ANKFN1: variants seen among roughly 807,000 people sequenced by gnomAD.
ANKFN1 encodes ankyrin repeat and fibronectin type III domain containing 1.
Under a neutral mutation model 108.7 loss-of-function variants are expected in ANKFN1, and 74 were observed. The observed-to-expected ratio is 0.68, with a 90% CI of 0.56 to 0.83. The LOEUF (loss-of-function observed/expected upper bound fraction) is 0.83, where lower values mean the gene tolerates loss of function less well. ANKFN1 is among the 40% of genes least tolerant of loss of function. ANKFN1 has a pLI of 0.00. For synonymous variants in ANKFN1, 547 were observed against 516.2 expected (o/e 1.06, Z -0.81); for missense variants, 1,505 against 1,382.3 (o/e 1.09, Z -1.41).
chr17:56,089,557 T>C (rs1905375706), intron 4 of ANKFN1, among the ~76,000 whole-genome samples: 2 of 151,478 alleles, frequency 1.3e-5, no homozygotes, highest in South Asian at 4.2e-4. Flanking sequence ...TACTGAATAG[T>C]ATCAGTTATT....
At chr17:56,352,355 A>C (rs1262333185) in intron 5 of ANKFN1, among the ~76,000 whole-genome samples, 1 of 152,228 alleles carries the variant, frequency 6.6e-6, no homozygotes, top group African/African-American at 2.4e-5. Context: ...ATTTTTAATG[A>C]GACTAAAAAT....
chr17:56,223,948 A>G (rs9904667), intron 2 of ANKFN1, among the ~76,000 whole-genome samples: 44,909 of 152,144 alleles, frequency 0.3, 7,443 homozygotes, highest in African/African-American at 0.43. Context: ...TCTTATTTCT[A>G]TTTTACAGTT....
At chr17:56,070,206 ATGGAGTTGCTC>A (rs1283382138) in intron 4 of ANKFN1, among the ~76,000 whole-genome samples, 1 of 152,102 alleles carries the variant, frequency 6.6e-6, no homozygotes, top group African/African-American at 2.4e-5. Context: ...CCTACTCAAC[ATGGAGTTGCTC>A]TGGTTCAAAC....
intron 14 of ANKFN1, among the ~76,000 whole-genome samples, chr17:56,461,380 C>T (rs1455417060): frequency 1.3e-5 from 2 of 152,208 alleles, no homozygotes; most frequent in African/African-American, 4.8e-5. Context: ...TGGTTCCATA[C>T]TCCTTTTGGA....
intron 3 of ANKFN1, among the ~76,000 whole-genome samples, chr17:56,242,391 A>G (rs1917651182): frequency 6.6e-6 from 1 of 152,122 alleles, no homozygotes; most frequent in Non-Finnish European, 1.5e-5. Flanking sequence ...AATGTTTTAT[A>G]GTATTCTCTA....
At chr17:56,257,991 C>G (rs149832807) in intron 3 of ANKFN1, 1 of 152,176 alleles carries the variant, frequency 6.6e-6, no homozygotes, top group African/African-American at 2.4e-5. Flanking sequence ...AGAAAGATCT[C>G]GACACTAACA....
chr17:56,380,462 C>T (rs11650224), intron 8 of ANKFN1, among the ~76,000 whole-genome samples: 81,329 of 152,034 alleles, frequency 0.53, 26,318 homozygotes, highest in East Asian at 0.87. Flanking sequence ...GCACCGTGCA[C>T]GAGCCAAAGC....
At position 56,441,568 on chromosome 17, in the gene ANKFN1, C is replaced by G. The variant is rs538554706; in HGVS notation, c.1008+1144C>G. On this transcript the variant is annotated intron_variant, in intron 9 of 20. Coordinates refer to ENST00000682825, the MANE Select transcript of ANKFN1 (RefSeq NM_001370326.1). ...TAGAAGACTGATTCCAACCCTATGG[C>G]TCACAAGATGGAAGAGGGCCAGAAG... Among the ~76,000 whole-genome samples, 3 of 152,280 alleles carry G rather than the reference C, an allele frequency of 2.0e-5. No homozygotes were observed. In the East Asian group the frequency reaches 5.8e-4, roughly 29 times the overall value.
At chr17:56,405,387 G>A (rs1292898718) in intron 8 of ANKFN1, among the ~76,000 whole-genome samples, 10 of 152,080 alleles carry the variant, frequency 6.6e-5, no homozygotes, top group South Asian at 2.1e-4. Flanking sequence ...TTTAATATAC[G>A]CTCTATAGAT....
At chr17:56,356,469 C>T (rs1340224261) in intron 6 of ANKFN1, among the ~76,000 whole-genome samples, 3 of 152,166 alleles carry the variant, frequency 2.0e-5, no homozygotes, top group East Asian at 3.8e-4. Flanking sequence ...TCCTAAATTT[C>T]GTAAATCGCC....
chr17:56,138,299 T>C (rs1907708996), intron 4 of ANKFN1, among the ~76,000 whole-genome samples: 1 of 152,160 alleles, frequency 6.6e-6, no homozygotes, highest in Non-Finnish European at 1.5e-5. Flanking sequence ...AGAAAATGGA[T>C]TTGAATCTGA....
At chr17:56,450,930 T>G (rs1354316511) in intron 11 of ANKFN1, among the ~76,000 whole-genome samples, 1 of 152,234 alleles carries the variant, frequency 6.6e-6, no homozygotes, top group Non-Finnish European at 1.5e-5. Flanking sequence ...ATCCAACTTC[T>G]GTCATGTATA....
chr17:56,084,867 G>A (rs1405412844), intron 4 of ANKFN1, among the ~76,000 whole-genome samples: 2 of 150,998 alleles, frequency 1.3e-5, no homozygotes, highest in African/African-American at 2.4e-5. Context: ...GTTTGGTCAA[G>A]TGTCTCTGAA....
intron 4 of ANKFN1, among the ~76,000 whole-genome samples, chr17:56,144,174 A>C (rs998282840): frequency 8.3e-6 from 1 of 120,170 alleles, no homozygotes; most frequent in Non-Finnish European, 1.9e-5. Flanking sequence ...AAAAAAAAAA[A>C]AAAAAAAAAA....
intron 8 of ANKFN1, among the ~76,000 whole-genome samples, chr17:56,421,269 G>A (rs1170491128): frequency 6.6e-6 from 1 of 152,196 alleles, no homozygotes; most frequent in Non-Finnish European, 1.5e-5. Flanking sequence ...AAGACAGTGG[G>A]CTTAGTTAGA....
At chr17:56,126,753 A>G (rs575214076) in intron 4 of ANKFN1, among the ~76,000 whole-genome samples, 5 of 152,362 alleles carry the variant, frequency 3.3e-5, no homozygotes, top group African/African-American at 1.2e-4. Context: ...CCAATCAATA[A>G]TACCATTTTG....
At chr17:56,181,672 A>G (rs549826493) in intron 1 of ANKFN1, among the ~76,000 whole-genome samples, 1 of 152,304 alleles carries the variant, frequency 6.6e-6, no homozygotes, top group African/African-American at 2.4e-5. Flanking sequence ...CTTAGCATGT[A>G]CAACCATTAC....
In ANKFN1 at chr17:56,467,771, G is replaced by A. The variant is rs1306252263; in HGVS notation, c.1773+1200G>A. On this transcript the variant is annotated intron_variant, in intron 15 of 20. Coordinates refer to ENST00000682825, the MANE Select transcript of ANKFN1 (RefSeq NM_001370326.1). ...AGAAAGAAAGAAAGAAAGAAAGAAAGAAAGAAAGAAAGAAAGAAAGAAGAA... is the reference window on the plus strand; with the variant it reads ...AGAAAGAAAGAAAGAAAGAAAGAAAAAAAGAAAGAAAGAAAGAAAGAAGAA... 7.6e-4 allele frequency among the ~76,000 whole-genome samples: 12 copies of A among 15,728 alleles called. 1 individual carries two copies. Among genetic ancestry groups the A allele is most frequent in the African/African-American group, 1.7e-3 (11 of 6,430 alleles). 10.3% of individuals were successfully genotyped at this position (15,728 alleles called of 152,430 possible).
At chr17:56,447,377 C>CCACACCACA (rs1374692492) in intron 10 of ANKFN1, among the ~76,000 whole-genome samples, 1 of 152,186 alleles carries the variant, frequency 6.6e-6, no homozygotes, top group Admixed American at 6.5e-5. Flanking sequence ...CACAATTAAG[C>CCACACCACA]CACACCACAC....
Sources: gnomAD v4.1 joint callset for allele counts (sites outside exome capture counted in the v4.1 genomes callset) on GRCh38, gnomAD v4.1.1 for gene constraint, MANE v1.5 for transcripts, NCBI Gene and HGNC (gene_info 2026-07-23, HGNC 2026-07-21) for gene names.